KLHL1: variants seen among roughly 807,000 people sequenced by gnomAD.
KLHL1 encodes the protein kelch like family member 1.
KLHL1 carries 47 observed loss-of-function variants against 77.7 expected under a neutral mutation model. The ratio of observed to expected loss-of-function variants is 0.60; its 90% CI spans 0.48 to 0.77. The LOEUF (loss-of-function observed/expected upper bound fraction) is 0.77. Among genes scored for constraint, KLHL1 ranks in the 30% least tolerant of loss-of-function variants. The pLI, the probability that KLHL1 is intolerant of heterozygous loss-of-function variation, is 0.00. For synonymous variants in KLHL1, 360 were observed against 325.2 expected (o/e 1.11, Z -1.15); for missense variants, 925 against 910.8 (o/e 1.02, Z -0.20).
intron 5 of KLHL1, among the ~76,000 whole-genome samples, chr13:69,881,333 T>A (rs1294181015): frequency 6.6e-6 from 1 of 152,158 alleles, no homozygotes. Flanking sequence ...CCTACTGTTC[T>A]TCTACTAAAT....
chr13:69,751,506 A>G (rs907561374), intron 7 of KLHL1, among the ~76,000 whole-genome samples: 1 of 152,104 alleles, frequency 6.6e-6, no homozygotes. Flanking sequence ...GGGGATGAGG[A>G]ATTCTTGGCA....
chr13:70,057,132 T>C (rs1298811078), intron 1 of KLHL1, among the ~76,000 whole-genome samples: 1 of 152,090 alleles, frequency 6.6e-6, no homozygotes, highest in Non-Finnish European at 1.5e-5. Flanking sequence ...AAGCAAATGA[T>C]CATTAGAGAC....
chr13:69,804,059 A>G (rs1877505771), intron 6 of KLHL1, among the ~76,000 whole-genome samples: 1 of 152,190 alleles, frequency 6.6e-6, no homozygotes, highest in Non-Finnish European at 1.5e-5. Flanking sequence ...TTACAGCAGC[A>G]GTACAGTATA....
At chr13:69,928,734 T>G (rs973032126) in intron 4 of KLHL1, among the ~76,000 whole-genome samples, 1 of 152,114 alleles carries the variant, frequency 6.6e-6, no homozygotes, top group Non-Finnish European at 1.5e-5. Flanking sequence ...AATATCTATA[T>G]AGATGAAGGT....
chr13:69,832,075 C>A (rs1242136307), intron 6 of KLHL1, among the ~76,000 whole-genome samples: 1 of 149,890 alleles, frequency 6.7e-6, no homozygotes, highest in African/African-American at 2.5e-5. Context: ...TTGGATTCAA[C>A]ATAATACTGG....
rs78745799 is a variant in KLHL1 at position 69,945,176 on chromosome 13, G to A, written c.818-4940C>T. ...AATTTTTTGTATGTTTAGAACAGAC[G>A]GGGTTTCACCATGTTGGCCAGGCTG... On this transcript the variant is annotated intron_variant, in intron 3 of 10. Coordinates refer to ENST00000377844, the MANE Select transcript of KLHL1 (RefSeq NM_020866.3). 1.1e-4 allele frequency among the ~76,000 whole-genome samples: 17 copies of A among 151,190 alleles called. No homozygotes were observed. In the East Asian group the frequency reaches 2.0e-3, roughly 17 times the overall value.
chr13:69,722,046 TA>T (rs1282276553), intron 8 of KLHL1, among the ~76,000 whole-genome samples: 1 of 152,078 alleles, frequency 6.6e-6, no homozygotes, highest in Non-Finnish European at 1.5e-5. Flanking sequence ...CCTAAGATAT[TA>T]AAATGTAACC....
At chr13:70,100,660 A>T (rs1468087698) in intron 1 of KLHL1, among the ~76,000 whole-genome samples, 7 of 152,186 alleles carry the variant, frequency 4.6e-5, no homozygotes, top group Non-Finnish European at 1.0e-4. Flanking sequence ...TTTATATTTC[A>T]AGATCTTCAA....
At chr13:70,089,956 G>C (rs1219858309) in intron 1 of KLHL1, among the ~76,000 whole-genome samples, 1 of 151,946 alleles carries the variant, frequency 6.6e-6, no homozygotes, top group African/African-American at 2.4e-5. Flanking sequence ...ATGATATGTT[G>C]GTATGCCTGA....
At chr13:69,802,692 C>T (rs1047234505) in intron 6 of KLHL1, among the ~76,000 whole-genome samples, 1 of 151,746 alleles carries the variant, frequency 6.6e-6, no homozygotes, top group Admixed American at 6.6e-5. Flanking sequence ...TCCCGTACCC[C>T]CTGCTTGCTC....
chr13:69,744,400 T>A (rs1272008173), intron 7 of KLHL1, among the ~76,000 whole-genome samples: 1 of 152,026 alleles, frequency 6.6e-6, no homozygotes, highest in Non-Finnish European at 1.5e-5. Context: ...TACTTAGTGA[T>A]ATATCCTGTA....
chr13:70,000,587 G>C (rs954300977), intron 1 of KLHL1, among the ~76,000 whole-genome samples: 16 of 151,734 alleles, frequency 1.1e-4, no homozygotes, highest in African/African-American at 3.9e-4. Context: ...ACAAATAAGT[G>C]ACATGAAATA....
At chr13:69,821,000 G>A (rs903732145) in intron 6 of KLHL1, among the ~76,000 whole-genome samples, 2 of 152,164 alleles carry the variant, frequency 1.3e-5, no homozygotes, top group East Asian at 1.9e-4. Context: ...TTGCAACCAC[G>A]TGACCACTGT....
chr13:69,744,488 T>C (rs186625067), intron 7 of KLHL1, among the ~76,000 whole-genome samples: 123 of 146,614 alleles, frequency 8.4e-4, no homozygotes, highest in Non-Finnish European at 1.5e-3. Context: ...CAAAGTATAA[T>C]ATATATATAT....
Position 70,108,402 on chromosome 13 carries a change from G to A in KLHL1, c.-703C>T, listed in dbSNP as rs1888130706. The A allele has an allele frequency of 6.2e-6, 1 of 161,978 alleles. No homozygotes were observed. The highest frequency in any genetic ancestry group is 2.4e-5 in the African/African-American group (1 of 41,838). The allele number at this position is 161,978 out of a possible 1,614,324, so 10.0% of individuals were successfully genotyped here. A position where few individuals can be genotyped will look rare whatever the true frequency, so the allele number is the denominator to read the frequency against. ...AAAATAGATATTCTAGCGCATATAGGGAGGCAAAAGAAAAAGCCCGCCTGT... is the reference window on the plus strand; with the variant it reads ...AAAATAGATATTCTAGCGCATATAGAGAGGCAAAAGAAAAAGCCCGCCTGT... On this transcript the variant is annotated 5_prime_UTR_variant, in exon 1 of 11. Transcript: ENST00000377844.
chr13:69,801,044 A>T (rs763699024), intron 6 of KLHL1, among the ~76,000 whole-genome samples: 6 of 152,196 alleles, frequency 3.9e-5, no homozygotes, highest in Non-Finnish European at 8.8e-5. Flanking sequence ...TAGAATATAC[A>T]TTATTCGGGT....
intron 1 of KLHL1, among the ~76,000 whole-genome samples, chr13:70,102,816 G>A (rs1417992974): frequency 2.0e-5 from 3 of 151,980 alleles, no homozygotes; most frequent in Admixed American, 6.6e-5. Flanking sequence ...ATGCTAACTG[G>A]CAAAAAGCAA....
intron 1 of KLHL1, among the ~76,000 whole-genome samples, chr13:69,991,799 C>T (rs2137313806): frequency 6.6e-6 from 1 of 152,082 alleles, no homozygotes; most frequent in East Asian, 1.9e-4. Flanking sequence ...TCAACTCATT[C>T]TATGAAGCCA....
At chr13:70,030,240 G>A (rs1031285115) in intron 1 of KLHL1, among the ~76,000 whole-genome samples, 39 of 152,106 alleles carry the variant, frequency 2.6e-4, no homozygotes, top group African/African-American at 3.1e-4. Context: ...TGCACCAAGC[G>A]GACCTAATAG....
Sources: gnomAD v4.1 joint callset for allele counts (sites outside exome capture counted in the v4.1 genomes callset) on GRCh38, gnomAD v4.1.1 for gene constraint, MANE v1.5 for transcripts, NCBI Gene and HGNC (gene_info 2026-07-23, HGNC 2026-07-21) for gene names.